TRPA1: variants seen among roughly 807,000 people sequenced by gnomAD.
TRPA1 encodes the protein ankyrin-like with transmembrane domains 1.
In TRPA1, 129 loss-of-function variants were observed where a neutral mutation model predicts 131.3. The ratio of observed to expected loss-of-function variants is 0.98; its 90% CI spans 0.85 to 1.14. The LOEUF is 1.14. Ranked by LOEUF, TRPA1 falls within the 50% of genes most tolerant of loss-of-function variation. The probability of loss-of-function intolerance (pLI) is 0.00; values close to 1 mark genes in which losing one functional copy is unlikely to be tolerated. For missense variants in TRPA1, 1,304 were observed against 1,354.2 expected, an observed-to-expected ratio of 0.96 and a Z score of 0.58; for synonymous variants, 441 against 451.7, an observed-to-expected ratio of 0.98 and a Z score of 0.30.
At position 72,053,777 on chromosome 8, in the gene TRPA1, G is replaced by A; in HGVS notation, c.1620C>T (p.Cys540=). The A allele has an allele frequency of 6.2e-7, 1 of 1,612,440 alleles. No homozygotes were observed. Among genetic ancestry groups the A allele is most frequent in the Non-Finnish European group, 8.5e-7 (1 of 1,179,702 alleles). Residue 540 remains cysteine (C), a synonymous_variant, in exon 13 of 27, where the codon TGC becomes TGT. Transcript: ENST00000262209. ...CCCCGTCTTCATCCAGGCGATCTGT[G>A]CACTTCAAATTAGTATCAAGAATGA... ...MKVILDTNLK[C]TDRLDEDGNT...
At chr8:72,029,769 A>G in intron 24 of TRPA1, 132 bp downstream of exon 24, 1 of 907,414 alleles carries the variant, frequency 1.1e-6, no homozygotes, top group Non-Finnish European at 1.8e-6. Flanking sequence ...CACATACTTT[A>G]CAGTGTAAGT....
At chr8:72,086,671 T>C in the TRPA1 span, among the ~76,000 whole-genome samples, 1 of 152,200 alleles carries the variant, frequency 6.6e-6, no homozygotes, top group Non-Finnish European at 1.5e-5. Context: ...CTCTCTAAAC[T>C]CTTTTAGAAT....
intron 7 of TRPA1, among the ~76,000 whole-genome samples, chr8:72,060,700 G>C (rs988498912): frequency 2.0e-5 from 3 of 151,892 alleles, no homozygotes; most frequent in African/African-American, 7.3e-5. Context: ...ATTTGTCTTT[G>C]GTCAACTTCG....
upstream of TRPA1, among the ~76,000 whole-genome samples, chr8:72,079,887 T>G (rs531568828): frequency 6.6e-5 from 10 of 151,960 alleles, no homozygotes; most frequent in Non-Finnish European, 1.5e-4. Flanking sequence ...TTTGGTTAAA[T>G]GTATTCCTAA....
At chr8:72,024,506 G>T (rs533806013) in intron 25 of TRPA1, among the ~76,000 whole-genome samples, 2 of 152,294 alleles carry the variant, frequency 1.3e-5, no homozygotes, top group Admixed American at 6.5e-5. Context: ...ACTGAGGGGA[G>T]AATGAAAGGG....
intron 25 of TRPA1, 150 bp from the exon 26 acceptor site, chr8:72,024,061 A>G: frequency 1.6e-6 from 1 of 623,462 alleles, no homozygotes; most frequent in Non-Finnish European, 2.9e-6. Context: ...GGAGAAAGAG[A>G]CATGTGAAGA....
intron 17 of TRPA1, among the ~76,000 whole-genome samples, chr8:72,044,505 T>A (rs970821817): frequency 1.3e-5 from 2 of 151,968 alleles, no homozygotes; most frequent in Admixed American, 6.6e-5. Context: ...AACCTACCCC[T>A]TGAGGCATGC....
upstream of TRPA1, among the ~76,000 whole-genome samples, chr8:72,076,011 A>G (rs1806177253): frequency 6.6e-6 from 1 of 151,944 alleles, no homozygotes; most frequent in South Asian, 2.1e-4. Context: ...AATCCTACAG[A>G]CCTGTGTTTC....
At chr8:72,053,712 A>G (rs772136673) in intron 13 of TRPA1, 41 bp downstream of exon 13, 3 of 1,429,780 alleles carry the variant, frequency 2.1e-6, no homozygotes, top group South Asian at 1.2e-5. Flanking sequence ...AGTTTCTGCT[A>G]TATTGAGATT....
In TRPA1 at chr8:72,061,719, C is replaced by T. The variant is rs1805811836; in HGVS notation, c.850G>A (p.Ala284Thr). The change falls in exon 7 of 27, where the codon GCC becomes ACC. Residue 284 changes from alanine to threonine, a missense_variant. Physicochemically the swap from Ala to Thr is moderately conservative, Grantham distance 58. Transcript: ENST00000262209. ...TAIHFAATQGATEIVKLMISS... is the reference protein window; with the variant it reads ...TAIHFAATQGTTEIVKLMISS... ...ATCATCAGTTTAACAATCTCAGTGG[C>T]TCCCTGGGTGGCAGCAAAATGAATG... 6.2e-7 allele frequency: 1 copy of T among 1,614,034 alleles called. No individual in the cohort carries two copies. The highest frequency in any genetic ancestry group is 8.5e-7 in the Non-Finnish European group (1 of 1,179,946).
chr8:72,039,646 A>G (rs1479710473), intron 18 of TRPA1, 81 bp downstream of exon 18: 15 of 946,866 alleles, frequency 1.6e-5, no homozygotes, highest in Admixed American at 5.5e-5. Context: ...TTAAAATACC[A>G]TTACAATATA....
At chr8:72,044,120 G>T (rs1448352176) in intron 17 of TRPA1, among the ~76,000 whole-genome samples, 2 of 151,038 alleles carry the variant, frequency 1.3e-5, no homozygotes, top group African/African-American at 4.9e-5. Flanking sequence ...CAATAGTCTG[G>T]GGGGAATAAA....
chr8:72,080,640 T>C, the TRPA1 span, among the ~76,000 whole-genome samples: 1 of 149,478 alleles, frequency 6.7e-6, no homozygotes, highest in Non-Finnish European at 1.5e-5. Context: ...TTGTATAATA[T>C]TGGTATTATT....
chr8:72,056,174 GC>G (rs1381228320), intron 10 of TRPA1: 1 of 354,678 alleles, frequency 2.8e-6, no homozygotes. Context: ...CCTTCCCTCT[GC>G]CCCTCCTCTT....
rs1319409189 is a variant in TRPA1, at chr8:72,075,385, A to G, written c.25T>C (p.Trp9Arg). The change falls in exon 1 of 27, where the codon TGG becomes CGG. Residue 9 changes from tryptophan to arginine, a missense_variant. Trp to Arg is a moderately radical substitution (Grantham distance 101). Coordinates refer to ENST00000262209, the MANE Select transcript of TRPA1 (RefSeq NM_007332.3). ...GGCTCCTTCTTTTCTCCAGGGCGCC[A>G]CATCTTCCTCAGGCTGCGCTTCATT... MKRSLRKM[W>R]RPGEKKEPQG... 3 of 1,610,310 alleles carry G rather than the reference A, an allele frequency of 1.9e-6. No homozygotes were observed. The highest frequency in any genetic ancestry group is 2.5e-6 in the Non-Finnish European group (3 of 1,179,754).
At chr8:72,069,477 A>G (rs1037802591) in intron 2 of TRPA1, among the ~76,000 whole-genome samples, 3 of 152,340 alleles carry the variant, frequency 2.0e-5, no homozygotes, top group African/African-American at 7.2e-5. Flanking sequence ...TTTTATCTAT[A>G]TGAGTTTTGG....
rs944360389 is a variant in TRPA1 at position 72,047,088 on chromosome 8, A to G, written c.1965+60T>C. ...CAGATCAATAGTAACAATATTTTTA[A>G]TATTTTTCAAAGAATTATAACAAAA... On this transcript the variant is annotated intron_variant, in intron 16 of 26. Coordinates refer to ENST00000262209, the MANE Select transcript of TRPA1 (RefSeq NM_007332.3). 4.8e-6 allele frequency: 6 copies of G among 1,260,442 alleles called. No homozygotes were observed. In the African/African-American group the frequency reaches 9.0e-5, roughly 19 times the overall value. The allele number at this position is 1,260,442 out of a possible 1,614,324, so 78.1% of individuals were successfully genotyped here. A position where few individuals can be genotyped will look rare whatever the true frequency, so the allele number is the denominator to read the frequency against.
chr8:72,075,871 T>A (rs1806172383), upstream of TRPA1, among the ~76,000 whole-genome samples: 1 of 75,898 alleles, frequency 1.3e-5, no homozygotes, highest in Non-Finnish European at 3.2e-5. Flanking sequence ...TGTGTGTGTG[T>A]GTGTGTGTGT....
intron 1 of TRPA1, 45 bp downstream of exon 1, chr8:72,075,254 G>A (rs1178145517): frequency 6.7e-7 from 1 of 1,484,194 alleles, no homozygotes; most frequent in African/African-American, 1.4e-5. Flanking sequence ...GCCGACCCCC[G>A]CCCGCACGTC....
Sources: gnomAD v4.1 joint callset for allele counts (sites outside exome capture counted in the v4.1 genomes callset) on GRCh38, gnomAD v4.1.1 for gene constraint, MANE v1.5 for transcripts, NCBI Gene and HGNC (gene_info 2026-07-23, HGNC 2026-07-21) for gene names.